The following ATRNL1 variants were observed in gnomAD, a reference collection of about 807,000 sequenced individuals.
The protein encoded by ATRNL1 is attractin-like protein 1.
In ATRNL1, 95 loss-of-function variants were observed where a neutral mutation model predicts 182.7. That is an observed-to-expected ratio of 0.52 (90% confidence interval 0.44 to 0.62). ATRNL1 has a LOEUF of 0.62. Among genes scored for constraint, ATRNL1 ranks in the 20% least tolerant of loss-of-function variants. The probability of loss-of-function intolerance (pLI) is 0.00; values close to 1 mark genes in which losing one functional copy is unlikely to be tolerated. For synonymous variants in ATRNL1, 576 were observed against 568.3 expected, an observed-to-expected ratio of 1.01 and a Z score of -0.19; for missense variants, 1,471 against 1,679.5, an observed-to-expected ratio of 0.88 and a Z score of 2.17.
chr10:115,127,449 C>T (rs971031414), intron 3 of ATRNL1, 144 bp from the exon 4 acceptor site: 18 of 570,260 alleles, frequency 3.2e-5, no homozygotes, highest in Middle Eastern at 4.8e-4. Context: ...ATAGGGACTT[C>T]TTTTAGATGT....
intron 24 of ATRNL1, among the ~76,000 whole-genome samples, chr10:115,473,150 T>C (rs1197350101): frequency 6.6e-6 from 1 of 151,344 alleles, no homozygotes; most frequent in African/African-American, 2.4e-5. Flanking sequence ...CACATTTTGA[T>C]TCATGTATGT....
chr10:115,177,897 T>G (rs1241111738), intron 8 of ATRNL1, among the ~76,000 whole-genome samples: 3 of 135,306 alleles, frequency 2.2e-5, no homozygotes, highest in Non-Finnish European at 4.7e-5. Flanking sequence ...TTGGTTTTGT[T>G]TTTTTGTTTT....
chr10:115,525,303 G>A (rs1480700044), intron 25 of ATRNL1, among the ~76,000 whole-genome samples: 2 of 152,204 alleles, frequency 1.3e-5, no homozygotes, highest in Admixed American at 1.3e-4. Flanking sequence ...CCCCTTGGCA[G>A]TTCGTCCAAT....
intron 6 of ATRNL1, among the ~76,000 whole-genome samples, chr10:115,164,905 TG>T (rs1473097264): frequency 6.6e-6 from 1 of 152,046 alleles, no homozygotes; most frequent in Non-Finnish European, 1.5e-5. Context: ...TTGTAGTATT[TG>T]ATAGTAAAGT....
At chr10:115,641,092 T>C (rs782809558) in intron 26 of ATRNL1, among the ~76,000 whole-genome samples, 6 of 152,132 alleles carry the variant, frequency 3.9e-5, no homozygotes, top group Non-Finnish European at 7.3e-5. Context: ...ACCAGTGTTA[T>C]TTTGCCCTGA....
intron 28 of ATRNL1, among the ~76,000 whole-genome samples, chr10:115,885,585 A>T (rs1383914908): frequency 6.6e-6 from 1 of 152,246 alleles, no homozygotes; most frequent in Admixed American, 6.5e-5. Context: ...TTTGTAAAAT[A>T]TTGAAAACCC....
chr10:115,197,178 T>C (rs1848394902), intron 8 of ATRNL1, among the ~76,000 whole-genome samples: 1 of 152,122 alleles, frequency 6.6e-6, no homozygotes, highest in South Asian at 2.1e-4. Flanking sequence ...GTGAATGGTA[T>C]TGATTGACTT....
chr10:115,626,303 T>C (rs1858096898), intron 26 of ATRNL1, among the ~76,000 whole-genome samples: 1 of 152,218 alleles, frequency 6.6e-6, no homozygotes, highest in African/African-American at 2.4e-5. Context: ...GGAATAATTA[T>C]ACTTTATTAT....
intron 27 of ATRNL1, among the ~76,000 whole-genome samples, chr10:115,818,328 C>T (rs1487946118): frequency 3.3e-5 from 5 of 151,990 alleles, no homozygotes; most frequent in African/African-American, 1.2e-4. Context: ...GCAAGCAAGT[C>T]TTGCCTGTTC....
At chr10:115,707,312 A>G (rs1366957341) in intron 26 of ATRNL1, among the ~76,000 whole-genome samples, 1 of 151,824 alleles carries the variant, frequency 6.6e-6, no homozygotes, top group Non-Finnish European at 1.5e-5. Flanking sequence ...AGTTCAGAAA[A>G]TGTATATTTA....
chr10:115,833,452 G>A (rs1950601991), intron 27 of ATRNL1, among the ~76,000 whole-genome samples: 1 of 152,064 alleles, frequency 6.6e-6, no homozygotes, highest in Non-Finnish European at 1.5e-5. Context: ...AAGCTCCTGG[G>A]CTATTCTATC....
At position 115,301,969 on chromosome 10, in the gene ATRNL1, G is replaced by A. The variant is rs1853491692; in HGVS notation, c.2744G>A (p.Cys915Tyr). Reference sequence around the variant, plus strand: ...ATGTGGTGCAGCAGTACGAAACGATGTGTTGACTCTAATGCCTATATCATC... The same window carrying A: ...ATGTGGTGCAGCAGTACGAAACGATATGTTGACTCTAATGCCTATATCATC... The part of the protein sequence containing the change: ...ECMWCSSTKR[C>Y]VDSNAYIISF... Residue 915 changes from cysteine to tyrosine, a missense_variant, in exon 17 of 29, where the codon TGT becomes TAT. Coordinates refer to ENST00000355044, the MANE Select transcript of ATRNL1 (RefSeq NM_207303.4). 1 of 1,614,134 alleles carries A rather than the reference G, an allele frequency of 6.2e-7. No homozygotes were observed. The highest frequency in any genetic ancestry group is 8.5e-7 in the Non-Finnish European group (1 of 1,179,966).
chr10:115,912,939 G>T (rs1342274825), intron 28 of ATRNL1, among the ~76,000 whole-genome samples: 1 of 152,154 alleles, frequency 6.6e-6, no homozygotes, highest in African/African-American at 2.4e-5. Flanking sequence ...TGGCAAAGTT[G>T]CTAGACTGCC....
At chr10:115,567,230 T>C (rs1425175422) in intron 26 of ATRNL1, among the ~76,000 whole-genome samples, 2 of 152,202 alleles carry the variant, frequency 1.3e-5, no homozygotes, top group Non-Finnish European at 2.9e-5. Flanking sequence ...AGAATCTTAA[T>C]GTATTAAATC....
intron 5 of ATRNL1, among the ~76,000 whole-genome samples, chr10:115,152,743 A>C (rs1237511929): frequency 1.3e-5 from 2 of 152,188 alleles, no homozygotes; most frequent in Admixed American, 1.3e-4. Flanking sequence ...CAGAACTTCC[A>C]ACACTATGTT....
chr10:115,343,615 C>T (rs1256717381), intron 19 of ATRNL1, among the ~76,000 whole-genome samples: 2 of 152,040 alleles, frequency 1.3e-5, no homozygotes, highest in East Asian at 1.9e-4. Context: ...TCTGTTTCTC[C>T]AGGATTGGTC....
intron 8 of ATRNL1, among the ~76,000 whole-genome samples, chr10:115,205,823 A>G (rs782808093): frequency 2.6e-5 from 4 of 152,040 alleles, no homozygotes; most frequent in South Asian, 4.1e-4. Context: ...CCATAAGGCC[A>G]TGTAAATATT....
chr10:115,370,006 G>A (rs890527293), intron 19 of ATRNL1, among the ~76,000 whole-genome samples: 12 of 152,140 alleles, frequency 7.9e-5, no homozygotes, highest in African/African-American at 2.2e-4. Context: ...TCACAGGGGT[G>A]GATCTTTCCC....
At chr10:115,367,890 G>C (rs7068957) in intron 19 of ATRNL1, among the ~76,000 whole-genome samples, 44,475 of 145,084 alleles carry the variant, frequency 0.31, 7,537 homozygotes, top group Middle Eastern at 0.45. Context: ...CAGATCTCCA[G>C]CTGCGTGCTG....
Sources: allele counts gnomAD v4.1 joint callset (sites outside exome capture counted in the v4.1 genomes callset), GRCh38; gene constraint gnomAD v4.1.1; transcripts MANE v1.5; gene names NCBI Gene and HGNC (gene_info 2026-07-23, HGNC 2026-07-21).